The following PDE1C variants were observed in gnomAD, a reference collection of about 807,000 sequenced individuals.
PDE1C encodes dual specificity calcium/calmodulin-dependent 3',5'-cyclic nucleotide phosphodiesterase 1C.
A neutral mutation model predicts 93.1 loss-of-function variants in PDE1C; 62 were observed. That is an observed-to-expected ratio of 0.67 (90% CI 0.54 to 0.82). PDE1C has a LOEUF of 0.82. Ranked by LOEUF, PDE1C falls within the 40% of genes least tolerant of loss-of-function variation. The pLI, the probability that PDE1C is intolerant of heterozygous loss-of-function variation, is 0.00. For missense variants in PDE1C, 742 were observed against 884.6 expected, an observed-to-expected ratio of 0.84 and a Z score of 2.04; for synonymous variants, 325 against 310.1, an observed-to-expected ratio of 1.05 and a Z score of -0.50.
At chr7:31,637,870 G>A in the PDE1C span, among the ~76,000 whole-genome samples, 5 of 152,138 alleles carry the variant, frequency 3.3e-5, no homozygotes, top group African/African-American at 4.8e-5. Context: ...ATGGTTTTAG[G>A]TCTAACATGT....
intron 1 of PDE1C, among the ~76,000 whole-genome samples, chr7:32,317,067 G>A (rs958926153): frequency 1.3e-5 from 2 of 152,178 alleles, no homozygotes; most frequent in African/African-American, 4.8e-5. Flanking sequence ...GACTCCAAAT[G>A]CGTGACAACT....
chr7:32,172,430 CAT>C (rs1802711127), intron 2 of PDE1C, among the ~76,000 whole-genome samples: 1 of 152,062 alleles, frequency 6.6e-6, no homozygotes, highest in African/African-American at 2.4e-5. Flanking sequence ...GGCCACCAAA[CAT>C]ATGAAAAAAA....
At chr7:31,658,173 G>C in the PDE1C span, 1 of 1,093,382 alleles carries the variant, frequency 9.1e-7, no homozygotes, top group East Asian at 2.6e-5. Flanking sequence ...AGGCCATGTA[G>C]ATTTGTGTAA....
chr7:32,363,648 A>T (rs1784179926), intron 1 of PDE1C, among the ~76,000 whole-genome samples: 1 of 152,238 alleles, frequency 6.6e-6, no homozygotes, highest in Admixed American at 6.5e-5. Context: ...TAAATGGCAT[A>T]TCAATTTCAT....
the PDE1C span, among the ~76,000 whole-genome samples, chr7:31,631,255 G>T: frequency 3.3e-5 from 5 of 152,110 alleles, no homozygotes; most frequent in Non-Finnish European, 7.4e-5. Flanking sequence ...AAATCTGGGG[G>T]CAAAAGGCAT....
At chr7:32,079,805 A>C (rs2128735267) in intron 3 of PDE1C, among the ~76,000 whole-genome samples, 1 of 152,318 alleles carries the variant, frequency 6.6e-6, no homozygotes, top group East Asian at 1.9e-4. Context: ...CCGGCACAAC[A>C]TCACTTCTGC....
intron 2 of PDE1C, among the ~76,000 whole-genome samples, chr7:32,201,392 AT>A (rs1805001793): frequency 6.6e-6 from 1 of 152,182 alleles, no homozygotes. Context: ...TACAAAAAAA[AT>A]TCTATTCATA....
intron 1 of PDE1C, among the ~76,000 whole-genome samples, chr7:32,059,764 C>CTA (rs1794578655): frequency 6.6e-6 from 1 of 152,068 alleles, no homozygotes; most frequent in South Asian, 2.1e-4. Flanking sequence ...GGGCAATGAG[C>CTA]TAATCAGTGG....
chr7:32,298,308 CTCCA>C (rs1364566478), intron 1 of PDE1C, among the ~76,000 whole-genome samples: 1 of 152,126 alleles, frequency 6.6e-6, no homozygotes, highest in Non-Finnish European at 1.5e-5. Context: ...ATCTTCATCT[CTCCA>C]TCGCAGCGTC....
At chr7:31,670,661 T>C in the PDE1C span, among the ~76,000 whole-genome samples, 1 of 152,164 alleles carries the variant, frequency 6.6e-6, no homozygotes, top group Non-Finnish European at 1.5e-5. Context: ...GTCTTACTGA[T>C]AGAGACAGGA....
chr7:32,100,823 T>C (rs559156334), intron 3 of PDE1C, among the ~76,000 whole-genome samples: 10 of 152,290 alleles, frequency 6.6e-5, no homozygotes, highest in African/African-American at 2.4e-4. Context: ...CCAGATGTGT[T>C]TCCATGTTCT....
chr7:31,906,472 A>G (rs1222563500), intron 2 of PDE1C, among the ~76,000 whole-genome samples: 1 of 137,586 alleles, frequency 7.3e-6, no homozygotes, highest in Non-Finnish European at 1.6e-5. Flanking sequence ...AGAGTGAGGT[A>G]CATTTCCTTT....
intron 16 of PDE1C, chr7:31,784,293 A>G (rs1341773110): frequency 1.3e-5 from 2 of 152,154 alleles, no homozygotes; most frequent in East Asian, 3.9e-4. Flanking sequence ...AAACCCTGTG[A>G]GAGCAAAAAC....
chr7:32,156,576 C>A (rs1801589504), intron 3 of PDE1C, among the ~76,000 whole-genome samples: 2 of 152,242 alleles, frequency 1.3e-5, no homozygotes, highest in East Asian at 1.9e-4. Context: ...ACCTTTCTCT[C>A]ACAAGCAACT....
chr7:31,873,509 T>G lies in PDE1C; in HGVS notation c.493-101A>C, dbSNP rs1796182814. ...GTCCGCCTGCAGCCCTCACTGGAGA[T>G]TTCACAGTGTGACACTCAAACAGAC... On this transcript the variant is annotated intron_variant, in intron 5 of 17. Coordinates refer to ENST00000396191, the MANE Select transcript of PDE1C (RefSeq NM_001191057.4). 4 of 715,616 alleles carry G rather than the reference T, an allele frequency of 5.6e-6. No homozygotes were observed. In the East Asian group the frequency reaches 1.0e-4, roughly 18 times the overall value. The allele number at this position is 715,616 out of a possible 1,614,324, so 44.3% of individuals were successfully genotyped here. A position where few individuals can be genotyped will look rare whatever the true frequency, so the allele number is the denominator to read the frequency against.
At chr7:32,142,369 G>T (rs907810660) in intron 3 of PDE1C, among the ~76,000 whole-genome samples, 20 of 152,090 alleles carry the variant, frequency 1.3e-4, no homozygotes, top group African/African-American at 4.1e-4. Context: ...GGCCCTCAAG[G>T]GTGTCAATTT....
the PDE1C span, among the ~76,000 whole-genome samples, chr7:31,735,661 T>C: frequency 3.3e-5 from 5 of 152,186 alleles, no homozygotes; most frequent in African/African-American, 1.2e-4. Flanking sequence ...AAATGTTAAA[T>C]GAAATAATGC....
chr7:32,016,575 A>T (rs531804951), intron 2 of PDE1C, among the ~76,000 whole-genome samples: 1 of 152,322 alleles, frequency 6.6e-6, no homozygotes, highest in African/African-American at 2.4e-5. Context: ...ACATCAGAAC[A>T]TTGTTTATAA....
intron 3 of PDE1C, among the ~76,000 whole-genome samples, chr7:32,159,350 G>A (rs1427835616): frequency 6.6e-6 from 1 of 152,118 alleles, no homozygotes; most frequent in Non-Finnish European, 1.5e-5. Flanking sequence ...TAAAACACAG[G>A]GTTAAATTAT....
Sources: gnomAD v4.1 joint callset for allele counts (sites outside exome capture counted in the v4.1 genomes callset) on GRCh38, gnomAD v4.1.1 for gene constraint, MANE v1.5 for transcripts, NCBI Gene and HGNC (gene_info 2026-07-23, HGNC 2026-07-21) for gene names.